EPHA6: variants seen among roughly 807,000 people sequenced by gnomAD.
EPHA6 encodes EPH receptor A6, also known as ephrin type-A receptor 6.
In EPHA6, 50 loss-of-function variants were observed where a neutral mutation model predicts 112.0. That is an observed-to-expected ratio of 0.45 (90% CI 0.36 to 0.56). The LOEUF is 0.56. Ranked by LOEUF, EPHA6 falls within the 20% of genes least tolerant of loss-of-function variation. EPHA6 has a pLI of 0.00. For synonymous variants in EPHA6, 529 were observed against 490.7 expected (o/e 1.08, Z -1.03); for missense variants, 1,280 against 1,417.4 (o/e 0.90, Z 1.56).
intron 3 of EPHA6, among the ~76,000 whole-genome samples, chr3:97,143,629 T>G (rs1283619198): frequency 6.6e-6 from 1 of 151,746 alleles, no homozygotes; most frequent in Admixed American, 6.6e-5. Context: ...AAGTAATTGT[T>G]TCCATAAGTT....
intron 12 of EPHA6, among the ~76,000 whole-genome samples, chr3:97,608,812 G>C (rs1355591376): frequency 6.6e-6 from 1 of 151,286 alleles, no homozygotes; most frequent in African/African-American, 2.4e-5. Context: ...GGAAAGAATT[G>C]ACTAACAGGG....
rs1161942857 is a variant in EPHA6 at position 97,595,977 on chromosome 3, C to T, written c.2512+3240C>T. Among the ~76,000 whole-genome samples the T allele has an allele frequency of 2.7e-5, 4 of 145,638 alleles. No homozygotes were observed. In the East Asian group the frequency reaches 8.2e-4, roughly 30 times the overall value. ...CTGGAGTGCAGTGGCACGATCTCGGCTCACTGCAAGCTTCGCCTCCCGGGT... is the reference window on the plus strand; with the variant it reads ...CTGGAGTGCAGTGGCACGATCTCGGTTCACTGCAAGCTTCGCCTCCCGGGT... On this transcript the variant is annotated intron_variant, in intron 12 of 17. Coordinates refer to ENST00000389672, the MANE Select transcript of EPHA6 (RefSeq NM_001080448.3).
Position 97,759,672 on chromosome 3 carries a change from A to G in EPHA6, c.*10971A>G, listed in dbSNP as rs1248446032. On this transcript the variant is annotated 3_prime_UTR_variant, in exon 18 of 18. Transcript: ENST00000389672. Reference sequence around the variant, plus strand: ...GTGTAATGTGCAAATAGGTTGGTATATTTGTGGTAGAAAGGGAAGGATGTC... The same window carrying G: ...GTGTAATGTGCAAATAGGTTGGTATGTTTGTGGTAGAAAGGGAAGGATGTC... 1 of 229,544 alleles carries G rather than the reference A, an allele frequency of 4.4e-6. No individual in the cohort carries two copies. Among genetic ancestry groups the G allele is most frequent in the Non-Finnish European group, 8.6e-6 (1 of 115,710 alleles). 14.2% of individuals were successfully genotyped at this position (229,544 alleles called of 1,614,324 possible). A position where few individuals can be genotyped will look rare whatever the true frequency, so the allele number is the denominator to read the frequency against.
At chr3:97,372,863 A>C (rs899228782) in intron 5 of EPHA6, among the ~76,000 whole-genome samples, 6 of 152,128 alleles carry the variant, frequency 3.9e-5, no homozygotes, top group African/African-American at 1.4e-4. Flanking sequence ...TTAATTTGGG[A>C]ATAAAAAACG....
At chr3:97,393,185 A>G (rs951919469) in intron 5 of EPHA6, among the ~76,000 whole-genome samples, 1 of 151,910 alleles carries the variant, frequency 6.6e-6, no homozygotes, top group Non-Finnish European at 1.5e-5. Flanking sequence ...AAGTAGTGGT[A>G]CAACATATAT....
chr3:97,481,809 G>A (rs1285567128), intron 9 of EPHA6, among the ~76,000 whole-genome samples: 1 of 152,128 alleles, frequency 6.6e-6, no homozygotes, highest in African/African-American at 2.4e-5. Context: ...TAAACAGATT[G>A]CAGAAACCTG....
At chr3:96,986,571 A>G (rs1316382971) in intron 2 of EPHA6, among the ~76,000 whole-genome samples, 3 of 152,106 alleles carry the variant, frequency 2.0e-5, no homozygotes, top group East Asian at 1.9e-4. Flanking sequence ...CTAGCCACCC[A>G]CTTAAAATTA....
intron 10 of EPHA6, among the ~76,000 whole-genome samples, chr3:97,528,423 T>C (rs1269317258): frequency 1.3e-5 from 2 of 152,024 alleles, no homozygotes; most frequent in African/African-American, 4.8e-5. Flanking sequence ...TAAGGAGCCA[T>C]ACACATAGAG....
chr3:97,233,898 T>G (rs1576737511), intron 4 of EPHA6, among the ~76,000 whole-genome samples: 1 of 152,296 alleles, frequency 6.6e-6, no homozygotes, highest in East Asian at 1.9e-4. Flanking sequence ...GGTGAAAATT[T>G]CATAGATAGG....
intron 7 of EPHA6, among the ~76,000 whole-genome samples, chr3:97,450,052 A>G (rs1008422536): frequency 1.3e-5 from 2 of 152,108 alleles, no homozygotes; most frequent in Non-Finnish European, 2.9e-5. Context: ...AATAAAAAGA[A>G]TACTTGTGGC....
intron 14 of EPHA6, among the ~76,000 whole-genome samples, chr3:97,661,179 G>C (rs188544773): frequency 1.1e-4 from 17 of 152,172 alleles, no homozygotes; most frequent in Middle Eastern, 3.4e-3. Context: ...ATTATACACT[G>C]CACTTTTCAT....
chr3:96,982,610 TG>T (rs1223662048), intron 2 of EPHA6, among the ~76,000 whole-genome samples: 1 of 152,152 alleles, frequency 6.6e-6, no homozygotes, highest in East Asian at 1.9e-4. Flanking sequence ...TGGATATCCT[TG>T]TTAACTTTCT....
At chr3:97,662,665 G>A (rs1331407422) in intron 14 of EPHA6, among the ~76,000 whole-genome samples, 1 of 152,136 alleles carries the variant, frequency 6.6e-6, no homozygotes, top group Admixed American at 6.5e-5. Flanking sequence ...AATCTTTAGG[G>A]AATATTTAAA....
chr3:96,848,888 A>T (rs1480485488), intron 1 of EPHA6, among the ~76,000 whole-genome samples: 1 of 152,158 alleles, frequency 6.6e-6, no homozygotes, highest in Non-Finnish European at 1.5e-5. Context: ...GTTTAAACAC[A>T]TATGAAAACA....
At chr3:97,378,856 A>G (rs2085541117) in intron 5 of EPHA6, among the ~76,000 whole-genome samples, 1 of 152,042 alleles carries the variant, frequency 6.6e-6, no homozygotes. Context: ...TTACAGGCTG[A>G]TGGGCAGAAG....
At chr3:97,037,035 C>T (rs534450220) in intron 3 of EPHA6, among the ~76,000 whole-genome samples, 23 of 151,974 alleles carry the variant, frequency 1.5e-4, no homozygotes, top group African/African-American at 4.3e-4. Context: ...ACTAATGAGG[C>T]AAAATGTTTG....
chr3:97,178,978 T>A lies in EPHA6; in HGVS notation c.1115-47286T>A, dbSNP rs1375503742. Among the ~76,000 whole-genome samples, 5 of 152,232 alleles carry A rather than the reference T, an allele frequency of 3.3e-5. No homozygotes were observed. The South Asian group carries it at 8.3e-4, about 25-fold the overall frequency. The stretch of plus-strand genomic sequence containing the variant: ...CCTTCTCTTTAAGGCCAATAACTCT[T>A]TGAATTGCTCTTTTCTAGATACTGT... On this transcript the variant is annotated intron_variant, in intron 3 of 17. Coordinates refer to ENST00000389672, the MANE Select transcript of EPHA6 (RefSeq NM_001080448.3).
At chr3:97,609,983 C>T (rs139240729) in intron 12 of EPHA6, among the ~76,000 whole-genome samples, 1 of 151,574 alleles carries the variant, frequency 6.6e-6, no homozygotes, top group African/African-American at 2.4e-5. Context: ...GCATTCACTT[C>T]TTTGAAATAA....
chr3:97,555,782 T>G (rs1369076353), intron 11 of EPHA6, among the ~76,000 whole-genome samples: 2 of 152,156 alleles, frequency 1.3e-5, no homozygotes, highest in Non-Finnish European at 2.9e-5. Context: ...TTGTTTGTTT[T>G]TTTCTTGTAA....
Sources: gnomAD v4.1 joint callset for allele counts (sites outside exome capture counted in the v4.1 genomes callset) on GRCh38, gnomAD v4.1.1 for gene constraint, MANE v1.5 for transcripts, NCBI Gene and HGNC (gene_info 2026-07-23, HGNC 2026-07-21) for gene names.